The following NOL4 variants were observed in gnomAD, a reference collection of about 807,000 sequenced individuals.
NOL4 encodes nucleolar protein 4.
Under a neutral mutation model 75.9 loss-of-function variants are expected in NOL4, and 17 were observed. The ratio of observed to expected loss-of-function variants is 0.22; its 90% CI spans 0.15 to 0.34. NOL4 has a LOEUF of 0.34. Among genes scored for constraint, NOL4 ranks in the 10% least tolerant of loss-of-function variants. The pLI is 1.00. For synonymous variants in NOL4, 292 were observed against 289.9 expected (o/e 1.01, Z -0.07); for missense variants, 614 against 793.5 (o/e 0.77, Z 2.72).
At chr18:33,928,223 T>C (rs1477313803) in intron 9 of NOL4, among the ~76,000 whole-genome samples, 1 of 152,216 alleles carries the variant, frequency 6.6e-6, no homozygotes, top group East Asian at 1.9e-4. Context: ...TGTTTCCCTG[T>C]CTTTGGCACC....
intron 8 of NOL4, 109 bp downstream of exon 8, chr18:33,957,217 C>T: frequency 2.3e-6 from 2 of 871,546 alleles, no homozygotes; most frequent in Admixed American, 2.9e-5. Context: ...TTTGACCTGA[C>T]ATTATGGAAA....
intron 9 of NOL4, among the ~76,000 whole-genome samples, chr18:33,900,503 A>G (rs1370670099): frequency 2.0e-5 from 3 of 152,118 alleles, no homozygotes; most frequent in Admixed American, 6.6e-5. Flanking sequence ...GATAAAACTC[A>G]CTTTTTATAT....
At chr18:33,955,628 C>T (rs965861853) in intron 8 of NOL4, among the ~76,000 whole-genome samples, 1 of 152,032 alleles carries the variant, frequency 6.6e-6, no homozygotes, top group African/African-American at 2.4e-5. Context: ...TTAAGGTTCA[C>T]AGTCCCGGTG....
In NOL4 at chr18:33,852,016, C is replaced by A. The variant is rs1233590582; in HGVS notation, c.*826G>T. The A allele has an allele frequency of 6.6e-6, 1 of 151,888 alleles. No homozygotes were observed. The highest frequency in any genetic ancestry group is 2.4e-5 in the African/African-American group (1 of 41,210). 9.4% of individuals were successfully genotyped at this position (151,888 alleles called of 1,614,324 possible). A position where few individuals can be genotyped will look rare whatever the true frequency, so the allele number is the denominator to read the frequency against. On this transcript the variant is annotated 3_prime_UTR_variant, in exon 11 of 11. Coordinates refer to ENST00000261592, the MANE Select transcript of NOL4 (RefSeq NM_003787.5). ...AAACCAAGGTGTGATTTTTTTTCAA[C>A]AACATGTCTTGTCATTATTAAAAAA... is the stretch of plus-strand genomic sequence containing the variant.
At chr18:34,008,167 GTTGGCACTC>G (rs1449902186) in intron 6 of NOL4, among the ~76,000 whole-genome samples, 1 of 151,962 alleles carries the variant, frequency 6.6e-6, no homozygotes, top group Non-Finnish European at 1.5e-5. Flanking sequence ...GCCCTCAGAT[GTTGGCACTC>G]TTGGGTTTAT....
chr18:33,957,985 C>T (rs899923730), intron 7 of NOL4, among the ~76,000 whole-genome samples: 1 of 152,116 alleles, frequency 6.6e-6, no homozygotes, highest in Non-Finnish European at 1.5e-5. Flanking sequence ...TAAGCTGAGG[C>T]CCCCTCCATC....
chr18:34,115,262 T>C (rs1035887121), intron 2 of NOL4, among the ~76,000 whole-genome samples: 14 of 152,142 alleles, frequency 9.2e-5, no homozygotes, highest in Non-Finnish European at 1.9e-4. Flanking sequence ...GAAGCTTGCA[T>C]GAAGGTGGTG....
chr18:33,892,550 G>C (rs769402345), intron 9 of NOL4, among the ~76,000 whole-genome samples: 12 of 152,080 alleles, frequency 7.9e-5, no homozygotes, highest in Non-Finnish European at 1.2e-4. Flanking sequence ...TTCACAAGAA[G>C]ATAATATTAA....
Position 34,129,914 on chromosome 18 carries a change from T to G in NOL4, c.371A>C (p.Glu124Ala). 6.3e-7 allele frequency: 1 copy of G among 1,596,260 alleles called. No individual in the cohort carries two copies. The highest frequency in any genetic ancestry group is 1.3e-5 in the African/African-American group (1 of 74,234). ...SMHVETGPNG[E>A]QIRKHAGQKR... is the part of the protein sequence containing the mutation. ...TTGTCCAGCGTGTTTCCGAATTTGT[T>G]CTCCATTTGGCCCCGTTTCCACATG... Residue 124 changes from glutamate (E) to alanine (A), a missense_variant, in exon 2 of 11, where the codon GAA (glutamate) becomes GCA (alanine). By Grantham distance (107) the Glu-to-Ala change is moderately radical. Coordinates refer to ENST00000261592, the MANE Select transcript of NOL4 (RefSeq NM_003787.5).
At chr18:33,933,027 A>T (rs1414480713) in intron 9 of NOL4, among the ~76,000 whole-genome samples, 1 of 152,096 alleles carries the variant, frequency 6.6e-6, no homozygotes, top group African/African-American at 2.4e-5. Flanking sequence ...ATAGTCCAAG[A>T]ACTACCCCGA....
chr18:34,160,404 T>C (rs941089731), intron 1 of NOL4, among the ~76,000 whole-genome samples: 2 of 152,122 alleles, frequency 1.3e-5, no homozygotes, highest in Non-Finnish European at 2.9e-5. Flanking sequence ...TTAAAAAATA[T>C]TGTAAGTAAT....
intron 1 of NOL4, among the ~76,000 whole-genome samples, chr18:34,197,584 T>C (rs1409805017): frequency 6.6e-6 from 1 of 151,998 alleles, no homozygotes; most frequent in African/African-American, 2.4e-5. Flanking sequence ...ATAATCACAC[T>C]AGCACATGTA....
At chr18:33,975,497 G>T (rs1389434739) in intron 6 of NOL4, among the ~76,000 whole-genome samples, 1 of 152,186 alleles carries the variant, frequency 6.6e-6, no homozygotes, top group Non-Finnish European at 1.5e-5. Flanking sequence ...TAAAAGGCCG[G>T]GTGCAGTGGC....
intron 9 of NOL4, among the ~76,000 whole-genome samples, chr18:33,908,093 C>G (rs2066172493): frequency 6.6e-6 from 1 of 152,106 alleles, no homozygotes; most frequent in African/African-American, 2.4e-5. Flanking sequence ...ACGGGCATGT[C>G]AAGAAAATTC....
In NOL4 at chr18:33,851,408, G is replaced by C. The variant is rs541350832; in HGVS notation, c.*1434C>G. On this transcript the variant is annotated 3_prime_UTR_variant, in exon 11 of 11. Coordinates refer to ENST00000261592, the MANE Select transcript of NOL4 (RefSeq NM_003787.5). ...TTACAAGAAAAAGTGCACATTACTC[G>C]GTCACAATCACAGTCATTACTTGAA... 1 of 152,114 alleles carries C rather than the reference G, an allele frequency of 6.6e-6. No individual in the cohort carries two copies. The highest frequency in any genetic ancestry group is 2.4e-5 in the African/African-American group (1 of 41,298). The allele number at this position is 152,114 out of a possible 1,614,324, so 9.4% of individuals were successfully genotyped here. A position where few individuals can be genotyped will look rare whatever the true frequency, so the allele number is the denominator to read the frequency against.
chr18:33,875,813 G>A (rs1218615819), intron 10 of NOL4, among the ~76,000 whole-genome samples: 1 of 151,984 alleles, frequency 6.6e-6, no homozygotes, highest in African/African-American at 2.4e-5. Context: ...TACTTAGAGG[G>A]ATATAACAGT....
chr18:33,959,843 G>A (rs1038012827), intron 6 of NOL4, among the ~76,000 whole-genome samples: 2 of 151,982 alleles, frequency 1.3e-5, no homozygotes, highest in Non-Finnish European at 2.9e-5. Context: ...TCTAAAGAAT[G>A]AGATTATATA....
At chr18:34,207,857 C>A (rs1295928959) in intron 1 of NOL4, among the ~76,000 whole-genome samples, 1 of 152,144 alleles carries the variant, frequency 6.6e-6, no homozygotes, top group Non-Finnish European at 1.5e-5. Flanking sequence ...ACAGGTTTTT[C>A]CACTGAGGTT....
intron 6 of NOL4, among the ~76,000 whole-genome samples, chr18:34,012,050 C>A (rs2074403341): frequency 2.0e-5 from 3 of 151,914 alleles, no homozygotes; most frequent in African/African-American, 4.8e-5. Flanking sequence ...TGGACTGGAA[C>A]ATGCATAGTA....
Sources: allele counts gnomAD v4.1 joint callset (sites outside exome capture counted in the v4.1 genomes callset), GRCh38; gene constraint gnomAD v4.1.1; transcripts MANE v1.5; gene names NCBI Gene and HGNC (gene_info 2026-07-23, HGNC 2026-07-21).